Variants in H2BC4 observed in about 807,000 individuals in gnomAD.
H2BC4 encodes H2B clustered histone 4.
In H2BC4, 10 loss-of-function variants were observed where a neutral mutation model predicts 6.2. The ratio of observed to expected loss-of-function variants is 1.61; its 90% CI spans 0.99 to 2.73. The LOEUF is 2.73. Among genes scored for constraint, H2BC4 ranks in the 30% most tolerant of loss-of-function variants. The probability of loss-of-function intolerance (pLI) is 0.00; values close to 1 mark genes in which losing one functional copy is unlikely to be tolerated. For synonymous variants in H2BC4, 146 were observed against 70.7 expected (o/e 2.07, Z -5.35); for missense variants, 176 against 168.7 (o/e 1.04, Z -0.24).
chr6:26,120,249 G>A (rs1415557286), downstream of H2BC4, among the ~76,000 whole-genome samples: 1 of 152,004 alleles, frequency 6.6e-6, no homozygotes, highest in African/African-American at 2.4e-5. Flanking sequence ...ACCTGAGTTC[G>A]AGACCAGTTT....
At chr6:26,119,849 T>TA (rs533483544), downstream of H2BC4, among the ~76,000 whole-genome samples, 4 of 151,856 alleles carry the variant, frequency 2.6e-5, no homozygotes, top group Non-Finnish European at 5.9e-5. Flanking sequence ...TTTTCCTTAT[T>TA]AAAAAAACCT....
At chr6:26,115,074 T>C (rs1763402050) in exon 2 of H2BC4, 1 of 152,208 alleles carries the variant, frequency 6.6e-6, no homozygotes, top group African/African-American at 2.4e-5. Context: ...ATTTGCAAGA[T>C]GAAACAGTGT....
intron 1 of H2BC4, among the ~76,000 whole-genome samples, chr6:26,115,847 T>C (rs1763410793): frequency 6.6e-6 from 1 of 152,208 alleles, no homozygotes; most frequent in Non-Finnish European, 1.5e-5. Context: ...TTTTAAAATC[T>C]AGTGTCCAAG....
At chr6:26,121,499 T>C (rs1763496445), downstream of H2BC4, among the ~76,000 whole-genome samples, 1 of 152,166 alleles carries the variant, frequency 6.6e-6, no homozygotes, top group Non-Finnish European at 1.5e-5. Context: ...ACTGTCTTGG[T>C]GGAAAATTCA....
chr6:26,121,471 T>C (rs967499780), downstream of H2BC4, among the ~76,000 whole-genome samples: 1 of 152,126 alleles, frequency 6.6e-6, no homozygotes, highest in Non-Finnish European at 1.5e-5. Context: ...TGGTTCTTAT[T>C]GTATGACTCA....
chr6:26,122,907 C>T (rs1763522646), downstream of H2BC4, among the ~76,000 whole-genome samples: 1 of 152,118 alleles, frequency 6.6e-6, no homozygotes, highest in Admixed American at 6.6e-5. Flanking sequence ...GTGTTGTTAT[C>T]AAAACTGACG....
At chr6:26,117,395 A>G (rs1763435992) in intron 1 of H2BC4, among the ~76,000 whole-genome samples, 2 of 152,202 alleles carry the variant, frequency 1.3e-5, no homozygotes, top group Non-Finnish European at 2.9e-5. Context: ...GTAAAGGTAT[A>G]GAGAAGGATA....
rs1272699382 is a variant in H2BC4 at position 26,123,887 on chromosome 6, C to A, written c.18G>T (p.Lys6Asn). 1.2e-6 allele frequency: 2 copies of A among 1,613,950 alleles called. No individual in the cohort carries two copies. The highest frequency in any genetic ancestry group is 1.7e-6 in the Non-Finnish European group (2 of 1,180,012). Residue 6 changes from lysine (K) to asparagine (N), a missense_variant, in exon 1 of 1, where the codon AAG becomes AAT. Transcript: ENST00000396984. Reference sequence around the variant, plus strand: ...AGCCCTTCTTCGGGGCGGGAGCAGACTTGGCTGGCTCAGGCATCTTAAAAC... The same window carrying A: ...AGCCCTTCTTCGGGGCGGGAGCAGAATTGGCTGGCTCAGGCATCTTAAAAC... MPEPA[K>N]SAPAPKKGSK...
downstream of H2BC4, among the ~76,000 whole-genome samples, chr6:26,123,168 A>G (rs576820281): frequency 4.6e-5 from 7 of 152,342 alleles, no homozygotes; most frequent in African/African-American, 1.7e-4. Context: ...CATTACGGCA[A>G]CCGTTGATCC....
At chr6:26,123,333 T>G (rs891638991), downstream of H2BC4, 6 of 1,010,118 alleles carry the variant, frequency 5.9e-6, no homozygotes, top group Non-Finnish European at 8.4e-6. Context: ...GGCTGGCTTC[T>G]TTCGGGTTCA....
chr6:26,114,080 C>T (rs1763390290), downstream of H2BC4, among the ~76,000 whole-genome samples: 1 of 151,984 alleles, frequency 6.6e-6, no homozygotes, highest in Non-Finnish European at 1.5e-5. Flanking sequence ...ACAATTCAGT[C>T]CATAGTAAAC....
Position 26,123,888 on chromosome 6 carries a change from T to G in H2BC4, c.17A>C (p.Lys6Thr). MPEPA[K>T]SAPAPKKGSK... is the part of the protein sequence containing the mutation. Reference sequence around the variant, plus strand: ...GCCCTTCTTCGGGGCGGGAGCAGACTTGGCTGGCTCAGGCATCTTAAAACA... The same window carrying G: ...GCCCTTCTTCGGGGCGGGAGCAGACGTGGCTGGCTCAGGCATCTTAAAACA... Residue 6 changes from lysine to threonine, a missense_variant, in exon 1 of 1, where the codon AAG becomes ACG. By Grantham distance (78) the Lys-to-Thr change is moderately conservative. Transcript: ENST00000396984. 6.2e-7 allele frequency: 1 copy of G among 1,614,064 alleles called. No individual in the cohort carries two copies. The highest frequency in any genetic ancestry group is 8.5e-7 in the Non-Finnish European group (1 of 1,179,998).
chr6:26,122,035 AAGAG>A (rs1392240453), downstream of H2BC4, among the ~76,000 whole-genome samples: 1 of 140,422 alleles, frequency 7.1e-6, no homozygotes, highest in Non-Finnish European at 1.5e-5. Context: ...CCTGGGAAAC[AAGAG>A]AGAAACTTCG....
downstream of H2BC4, chr6:26,123,405 C>A: frequency 6.6e-7 from 1 of 1,512,702 alleles, no homozygotes; most frequent in South Asian, 1.3e-5. Flanking sequence ...TTCCTATATT[C>A]TAATACCCCT....
chr6:26,123,273 C>T (rs1435676313), downstream of H2BC4: 2 of 625,240 alleles, frequency 3.2e-6, no homozygotes, highest in South Asian at 2.7e-5. Flanking sequence ...GGCCGCTTGT[C>T]TCCATTTTAA....
chr6:26,114,454 G>C (rs1390883719), downstream of H2BC4, among the ~76,000 whole-genome samples: 1 of 151,996 alleles, frequency 6.6e-6, no homozygotes, highest in East Asian at 1.9e-4. Flanking sequence ...GTAAATATGA[G>C]TGCTATAAAA....
chr6:26,122,820 TA>T (rs1763520491), downstream of H2BC4, among the ~76,000 whole-genome samples: 1 of 152,238 alleles, frequency 6.6e-6, no homozygotes, highest in South Asian at 2.1e-4. Context: ...GAATCTTGAA[TA>T]AACCAGTTGA....
intron 1 of H2BC4, among the ~76,000 whole-genome samples, chr6:26,116,721 T>G (rs910946522): frequency 3.9e-5 from 6 of 152,100 alleles, no homozygotes; most frequent in African/African-American, 1.4e-4. Context: ...AAAAAAGAAC[T>G]GAGGTCAAGG....
chr6:26,120,764 T>C (rs1307696768), downstream of H2BC4, among the ~76,000 whole-genome samples: 2 of 152,204 alleles, frequency 1.3e-5, no homozygotes, highest in Non-Finnish European at 1.5e-5. Context: ...TTGAAAGCAC[T>C]CTTTTTTTTC....
Sources: allele counts gnomAD v4.1 joint callset (sites outside exome capture counted in the v4.1 genomes callset), GRCh38; gene constraint gnomAD v4.1.1; transcripts MANE v1.5; gene names NCBI Gene and HGNC (gene_info 2026-07-23, HGNC 2026-07-21).